Variants in TGFBR1 observed in about 807,000 individuals in gnomAD.
The protein encoded by TGFBR1 is transforming growth factor beta receptor 1, also known as TGF-beta receptor type-1.
A neutral mutation model predicts 55.1 loss-of-function variants in TGFBR1; 20 were observed. The observed-to-expected ratio is 0.36, with a 90% CI of 0.26 to 0.53. The LOEUF is 0.53. TGFBR1 is among the 20% of genes least tolerant of loss of function. The probability of loss-of-function intolerance (pLI) is 0.91; values close to 1 mark genes in which losing one functional copy is unlikely to be tolerated. For synonymous variants in TGFBR1, 220 were observed against 214.8 expected (o/e 1.02, Z -0.21); for missense variants, 385 against 617.6 (o/e 0.62, Z 3.99).
intron 1 of TGFBR1, among the ~76,000 whole-genome samples, chr9:99,108,022 G>A (rs1826462882): frequency 6.6e-6 from 1 of 152,294 alleles, no homozygotes; most frequent in African/African-American, 2.4e-5. Flanking sequence ...ATGCGTTATA[G>A]GTACCCAGAG....
chr9:99,146,644 T>C, intron 7 of TGFBR1, 35 bp downstream of exon 7: 1 of 1,613,670 alleles, frequency 6.2e-7, no homozygotes, highest in South Asian at 1.1e-5. Context: ...TAGTTTGTCA[T>C]GAGCAGAAGT....
At chr9:99,144,424 G>A (rs1347033776) in intron 5 of TGFBR1, among the ~76,000 whole-genome samples, 1 of 152,092 alleles carries the variant, frequency 6.6e-6, no homozygotes, top group Non-Finnish European at 1.5e-5. Context: ...ATCAGTCTAT[G>A]GCTAAGTTTC....
chr9:99,136,441 A>G (rs181048575), intron 3 of TGFBR1, among the ~76,000 whole-genome samples: 1 of 152,282 alleles, frequency 6.6e-6, no homozygotes, highest in Admixed American at 6.5e-5. Context: ...TCTTAAGTGT[A>G]CTTTTAAGTC....
chr9:99,142,009 T>A (rs1827628965), intron 4 of TGFBR1, among the ~76,000 whole-genome samples: 1 of 152,214 alleles, frequency 6.6e-6, no homozygotes, highest in Non-Finnish European at 1.5e-5. Context: ...CTTGCGTCTT[T>A]GTGAACTGTG....
chr9:99,130,617 T>A (rs1334146053), intron 2 of TGFBR1, among the ~76,000 whole-genome samples: 1 of 152,232 alleles, frequency 6.6e-6, no homozygotes, highest in Non-Finnish European at 1.5e-5. Flanking sequence ...TTATTTCTCA[T>A]GTTTCTAATG....
At chr9:99,135,612 G>C (rs1450035361) in intron 3 of TGFBR1, among the ~76,000 whole-genome samples, 1 of 152,178 alleles carries the variant, frequency 6.6e-6, no homozygotes, top group African/African-American at 2.4e-5. Flanking sequence ...ATATGTGCCA[G>C]CTTTTGTAAG....
chr9:99,147,654 G>A lies in TGFBR1; in HGVS notation c.1256G>A (p.Gly419Glu). Residue 419 changes from glycine to glutamate, a missense_variant and splice_region_variant, in exon 8 of 9, where the codon GGA becomes GAA. Transcript: ENST00000374994. ...WEIARRCSIG[G>E]IHEDYQLPYY... The stretch of plus-strand genomic sequence containing the variant: ...TTTAATTTTTTTTAAACTGATACAG[G>A]AATTCATGAAGATTACCAACTGCCT... The A allele has an allele frequency of 6.2e-7, 1 of 1,612,854 alleles. No homozygotes were observed. Among genetic ancestry groups the A allele is most frequent in the Non-Finnish European group, 8.5e-7 (1 of 1,179,416 alleles).
upstream of TGFBR1, chr9:99,104,196 C>T (rs1826335656): frequency 6.6e-6 from 1 of 152,212 alleles, no homozygotes; most frequent in African/African-American, 2.4e-5. Flanking sequence ...GATTATTATA[C>T]AGCAGTGTCA....
chr9:99,142,095 C>T (rs1437493536), intron 4 of TGFBR1, among the ~76,000 whole-genome samples: 2 of 152,174 alleles, frequency 1.3e-5, no homozygotes, highest in African/African-American at 2.4e-5. Flanking sequence ...CTTCCATTCC[C>T]ACTGTGGCCA....
intron 3 of TGFBR1, among the ~76,000 whole-genome samples, chr9:99,133,351 A>C (rs982827595): frequency 6.6e-6 from 1 of 152,086 alleles, no homozygotes; most frequent in Non-Finnish European, 1.5e-5. Flanking sequence ...TTCTTTTCTC[A>C]GTTCTATTTG....
intron 1 of TGFBR1, among the ~76,000 whole-genome samples, chr9:99,117,255 T>C: frequency 5.1e-5 from 1 of 19,700 alleles, no homozygotes; most frequent in East Asian, 9.2e-4. Context: ...GCCTGGCTAT[T>C]TTTTTTTTTT....
intron 1 of TGFBR1, among the ~76,000 whole-genome samples, chr9:99,110,443 A>T (rs1019399897): frequency 2.6e-5 from 4 of 151,986 alleles, no homozygotes; most frequent in African/African-American, 9.7e-5. Flanking sequence ...AAAACTTCTT[A>T]CTTATTTGCT....
chr9:99,122,197 G>A (rs1356086870), intron 1 of TGFBR1, among the ~76,000 whole-genome samples: 2 of 152,024 alleles, frequency 1.3e-5, no homozygotes, highest in Admixed American at 6.6e-5. Context: ...AAAGGAAAGA[G>A]TATTCAAGCG....
At chr9:99,110,359 T>A (rs1826530835) in intron 1 of TGFBR1, among the ~76,000 whole-genome samples, 1 of 152,240 alleles carries the variant, frequency 6.6e-6, no homozygotes, top group African/African-American at 2.4e-5. Flanking sequence ...TCTCTTTTTT[T>A]TTCTTTGACC....
In TGFBR1 at chr9:99,152,781, G is replaced by A. The variant is rs1828014254; in HGVS notation, c.*3476G>A. ...CAGAAAATGCCAGCTCAGATATTTT[G>A]AGATACTAAGGATTATCTTTGGACA... is the stretch of plus-strand genomic sequence containing the variant. On this transcript the variant is annotated 3_prime_UTR_variant, in exon 9 of 9. Transcript: ENST00000374994. 4.3e-6 allele frequency: 1 copy of A among 230,392 alleles called. No homozygotes were observed. The highest frequency in any genetic ancestry group is 5.7e-5 in the Admixed American group (1 of 17,682). The allele number at this position is 230,392 out of a possible 1,614,324, so 14.3% of individuals were successfully genotyped here. A position where few individuals can be genotyped will look rare whatever the true frequency, so the allele number is the denominator to read the frequency against.
intron 1 of TGFBR1, among the ~76,000 whole-genome samples, chr9:99,123,832 T>C (rs1826961447): frequency 1.3e-5 from 2 of 152,318 alleles, no homozygotes; most frequent in South Asian, 4.1e-4. Context: ...AAAAACCACA[T>C]TGGCACAATG....
At chr9:99,135,610 C>T (rs1827412175) in intron 3 of TGFBR1, among the ~76,000 whole-genome samples, 1 of 152,102 alleles carries the variant, frequency 6.6e-6, no homozygotes, top group Non-Finnish European at 1.5e-5. Flanking sequence ...GCATATGTGC[C>T]AGCTTTTGTA....
At chr9:99,128,331 T>G (rs1476574035) in intron 1 of TGFBR1, among the ~76,000 whole-genome samples, 1 of 151,750 alleles carries the variant, frequency 6.6e-6, no homozygotes, top group Non-Finnish European at 1.5e-5. Context: ...GAATAGAGAG[T>G]GTCTGGCTCA....
At chr9:99,123,404 AG>A (rs967699721) in intron 1 of TGFBR1, among the ~76,000 whole-genome samples, 1 of 152,116 alleles carries the variant, frequency 6.6e-6, no homozygotes, top group Admixed American at 6.6e-5. Flanking sequence ...GGTCCTAAAC[AG>A]GGGATTTGGT....
Sources: gnomAD v4.1 joint callset for allele counts (sites outside exome capture counted in the v4.1 genomes callset) on GRCh38, gnomAD v4.1.1 for gene constraint, MANE v1.5 for transcripts, NCBI Gene and HGNC (gene_info 2026-07-23, HGNC 2026-07-21) for gene names.